The following KCNQ5 variants were observed in gnomAD, a reference collection of about 807,000 sequenced individuals.
The protein encoded by KCNQ5 is potassium voltage-gated channel subfamily Q member 5.
KCNQ5 carries 30 observed loss-of-function variants against 98.2 expected under a neutral mutation model. The observed-to-expected ratio is 0.31, with a 90% confidence interval of 0.23 to 0.41. The LOEUF is 0.41. Ranked by LOEUF, KCNQ5 falls within the 10% of genes least tolerant of loss-of-function variation. The pLI, the probability that KCNQ5 is intolerant of heterozygous loss-of-function variation, is 1.00. For missense variants in KCNQ5, 835 were observed against 1,182.5 expected (o/e 0.71, Z 4.31); for synonymous variants, 458 against 449.4 (o/e 1.02, Z -0.24).
chr6:73,195,558 T>G lies in KCNQ5; in HGVS notation c.*144T>G, dbSNP rs756093046. ...AGTTTATAAGCCCGTTACCTTTTAATTGCATGAAAATGCATGTTTAGGGAT... is the reference window on the plus strand; with the variant it reads ...AGTTTATAAGCCCGTTACCTTTTAAGTGCATGAAAATGCATGTTTAGGGAT... On this transcript the variant is annotated 3_prime_UTR_variant, in exon 14 of 14. Transcript: ENST00000370398. 123 of 1,057,540 alleles carry G rather than the reference T, an allele frequency of 1.2e-4. 1 individual carries two copies. Among genetic ancestry groups the G allele is most frequent in the South Asian group, 8.7e-4 (54 of 62,116 alleles). 65.5% of individuals were successfully genotyped at this position (1,057,540 alleles called of 1,614,324 possible). A position where few individuals can be genotyped will look rare whatever the true frequency, so the allele number is the denominator to read the frequency against.
chr6:73,112,793 G>A (rs1450084795), intron 7 of KCNQ5, among the ~76,000 whole-genome samples: 1 of 152,188 alleles, frequency 6.6e-6, no homozygotes, highest in Non-Finnish European at 1.5e-5. Context: ...GAAGGGGGCA[G>A]TATGGTTCAG....
At chr6:73,023,199 G>C (rs1770687128) in intron 2 of KCNQ5, among the ~76,000 whole-genome samples, 1 of 152,196 alleles carries the variant, frequency 6.6e-6, no homozygotes, top group Non-Finnish European at 1.5e-5. Flanking sequence ...AAGCCATCAA[G>C]GGGTGGTGTT....
At chr6:72,862,462 T>C (rs1313449127) in intron 1 of KCNQ5, among the ~76,000 whole-genome samples, 1 of 152,218 alleles carries the variant, frequency 6.6e-6, no homozygotes, top group African/African-American at 2.4e-5. Flanking sequence ...TCTCTTTTTT[T>C]AGTACTTTTT....
At chr6:73,159,325 A>AC (rs1348670808) in intron 10 of KCNQ5, among the ~76,000 whole-genome samples, 2 of 152,200 alleles carry the variant, frequency 1.3e-5, no homozygotes, top group Non-Finnish European at 2.9e-5. Context: ...AGAGGGGAAA[A>AC]ACACACACTG....
chr6:72,886,735 G>A (rs954266283), intron 1 of KCNQ5, among the ~76,000 whole-genome samples: 8 of 152,104 alleles, frequency 5.3e-5, no homozygotes, highest in Admixed American at 2.6e-4. Flanking sequence ...TAGCAATAAC[G>A]GAATATAGAA....
intron 2 of KCNQ5, among the ~76,000 whole-genome samples, chr6:73,035,596 C>A (rs933572743): frequency 6.6e-6 from 1 of 152,080 alleles, no homozygotes; most frequent in Admixed American, 6.5e-5. Flanking sequence ...TAAATCATCT[C>A]GACTGAATGT....
chr6:72,750,005 A>G (rs1012813829), intron 1 of KCNQ5, among the ~76,000 whole-genome samples: 4 of 152,104 alleles, frequency 2.6e-5, no homozygotes, highest in Non-Finnish European at 5.9e-5. Context: ...TTTTAATTGG[A>G]ATGCAAGTAA....
Position 73,149,888 on chromosome 6 carries a change from A to T in KCNQ5, c.1468+16247A>T, listed in dbSNP as rs13208955. 7.1e-3 allele frequency among the ~76,000 whole-genome samples: 1,081 copies of T among 152,032 alleles called. 6 individuals are homozygous for T. Among genetic ancestry groups the T allele is most frequent in the Non-Finnish European group, 0.011 (751 of 67,962 alleles). On this transcript the variant is annotated intron_variant, in intron 10 of 13. Coordinates refer to ENST00000370398, the MANE Select transcript of KCNQ5 (RefSeq NM_019842.4). ...ATAGAATGGATCTCATTGAATTAAA[A>T]ACCTTTGCTCTGCAAATGAGACTAA...
chr6:72,733,487 T>C (rs1423797382), intron 1 of KCNQ5, among the ~76,000 whole-genome samples: 1 of 152,242 alleles, frequency 6.6e-6, no homozygotes, highest in Non-Finnish European at 1.5e-5. Flanking sequence ...CAAGCAGTGA[T>C]GCTCACTGAG....
chr6:73,146,118 T>A (rs745686914), intron 10 of KCNQ5, among the ~76,000 whole-genome samples: 12 of 152,220 alleles, frequency 7.9e-5, no homozygotes, highest in South Asian at 4.1e-4. Flanking sequence ...TCCAGCAGAT[T>A]TGATTAACAA....
chr6:72,631,168 G>A (rs1237592833), intron 1 of KCNQ5, among the ~76,000 whole-genome samples: 2 of 152,144 alleles, frequency 1.3e-5, no homozygotes, highest in Non-Finnish European at 2.9e-5. Flanking sequence ...AATAGAGGTG[G>A]AACAACAGGT....
At chr6:73,178,808 G>T (rs1778306940) in intron 11 of KCNQ5, among the ~76,000 whole-genome samples, 1 of 152,146 alleles carries the variant, frequency 6.6e-6, no homozygotes, top group African/African-American at 2.4e-5. Flanking sequence ...AACTGTCAGA[G>T]TTTAAATACT....
intron 1 of KCNQ5, among the ~76,000 whole-genome samples, chr6:72,766,374 G>A (rs10943059): frequency 0.56 from 84,412 of 151,588 alleles, 23,645 homozygotes; most frequent in Middle Eastern, 0.62. Flanking sequence ...AAATTCACTG[G>A]AAGTCATCGG....
At chr6:72,810,114 C>T (rs1014762952) in intron 1 of KCNQ5, among the ~76,000 whole-genome samples, 3 of 152,146 alleles carry the variant, frequency 2.0e-5, no homozygotes, top group Non-Finnish European at 2.9e-5. Flanking sequence ...AACCATGTTC[C>T]GGTTACATCA....
In KCNQ5 at chr6:73,001,381, G is replaced by C. The variant is rs146308275; in HGVS notation, c.399-2527G>C. On this transcript the variant is annotated intron_variant, in intron 1 of 13. Transcript: ENST00000370398. ...TTCAACACAATTGAAAACATGTATT[G>C]AGTACCCATTGTAGAAGGCACTGTA... is the stretch of plus-strand genomic sequence containing the variant. Among the ~76,000 whole-genome samples, 664 of 152,262 alleles carry C rather than the reference G, an allele frequency of 4.4e-3. 5 individuals carry two copies. Among genetic ancestry groups the C allele is most frequent in the African/African-American group, 0.015 (636 of 41,530 alleles).
chr6:72,786,409 TTAAAG>T (rs1773744162), intron 1 of KCNQ5, among the ~76,000 whole-genome samples: 1 of 152,100 alleles, frequency 6.6e-6, no homozygotes, highest in Non-Finnish European at 1.5e-5. Flanking sequence ...ACCCCAGAAC[TTAAAG>T]TAAAATAAAT....
chr6:72,653,299 G>A (rs189933074), intron 1 of KCNQ5, among the ~76,000 whole-genome samples: 119 of 151,938 alleles, frequency 7.8e-4, no homozygotes, highest in African/African-American at 2.8e-3. Flanking sequence ...AGTGCTTCAA[G>A]TTTTGGCTTT....
chr6:73,185,941 T>A (rs1778555070), intron 11 of KCNQ5, among the ~76,000 whole-genome samples: 1 of 152,170 alleles, frequency 6.6e-6, no homozygotes, highest in Non-Finnish European at 1.5e-5. Flanking sequence ...AAAATATCTA[T>A]GGGCCAAGTG....
chr6:73,183,977 C>T (rs1778486849), intron 11 of KCNQ5, among the ~76,000 whole-genome samples: 1 of 152,166 alleles, frequency 6.6e-6, no homozygotes, highest in Admixed American at 6.5e-5. Flanking sequence ...TAGACTCTAG[C>T]CACATGTTTT....
Sources: allele counts gnomAD v4.1 joint callset (sites outside exome capture counted in the v4.1 genomes callset), GRCh38; gene constraint gnomAD v4.1.1; transcripts MANE v1.5; gene names NCBI Gene and HGNC (gene_info 2026-07-23, HGNC 2026-07-21).